Variants in FAM3C observed in about 807,000 individuals in gnomAD.
The protein encoded by FAM3C is protein FAM3C.
Under a neutral mutation model 32.5 loss-of-function variants are expected in FAM3C, and 15 were observed. That is an observed-to-expected ratio of 0.46 (90% CI 0.31 to 0.71). The LOEUF is 0.71. FAM3C is among the 30% of genes least tolerant of loss of function. FAM3C has a pLI of 0.05. For missense variants in FAM3C, 175 were observed against 274.4 expected (o/e 0.64, Z 2.56); for synonymous variants, 75 against 86.1 (o/e 0.87, Z 0.72).
At chr7:121,355,548 C>T (rs1793790391) in intron 8 of FAM3C, among the ~76,000 whole-genome samples, 1 of 152,082 alleles carries the variant, frequency 6.6e-6, no homozygotes, top group Non-Finnish European at 1.5e-5. Context: ...TAAGTAAAGC[C>T]AAGTTAACGT....
chr7:121,383,303 G>A (rs759280983), intron 1 of FAM3C, among the ~76,000 whole-genome samples: 11 of 152,230 alleles, frequency 7.2e-5, no homozygotes, highest in Non-Finnish European at 1.3e-4. Flanking sequence ...CATGGATTAT[G>A]CATCTATAAG....
At chr7:121,351,922 T>G (rs1039205771) in intron 8 of FAM3C, among the ~76,000 whole-genome samples, 1 of 152,178 alleles carries the variant, frequency 6.6e-6, no homozygotes, top group Non-Finnish European at 1.5e-5. Flanking sequence ...CTAAAAAATT[T>G]TGTGTAAGTG....
intron 8 of FAM3C, among the ~76,000 whole-genome samples, chr7:121,352,996 G>C (rs73217400): frequency 3.3e-5 from 5 of 152,318 alleles, no homozygotes; most frequent in Admixed American, 2.6e-4. Flanking sequence ...TCAGTGGTCA[G>C]CTAAATGGAC....
At chr7:121,354,973 C>T (rs1295447792) in intron 8 of FAM3C, among the ~76,000 whole-genome samples, 1 of 152,126 alleles carries the variant, frequency 6.6e-6, no homozygotes, top group Non-Finnish European at 1.5e-5. Context: ...AAGCAAACCA[C>T]ATTACTAATG....
At chr7:121,386,561 C>T (rs907929298) in intron 1 of FAM3C, among the ~76,000 whole-genome samples, 2 of 150,838 alleles carry the variant, frequency 1.3e-5, no homozygotes, top group East Asian at 1.9e-4. Context: ...TAAACATATA[C>T]ACACACACAC....
intron 5 of FAM3C, among the ~76,000 whole-genome samples, chr7:121,368,979 T>G (rs1394339746): frequency 2.0e-4 from 30 of 146,370 alleles, no homozygotes; most frequent in African/African-American, 4.3e-4. Flanking sequence ...GTTGTTTTTT[T>G]TTTTTTTTTT....
At chr7:121,366,556 G>C (rs956007693) in intron 5 of FAM3C, among the ~76,000 whole-genome samples, 1 of 152,134 alleles carries the variant, frequency 6.6e-6, no homozygotes, top group Non-Finnish European at 1.5e-5. Context: ...GACAAGAAAG[G>C]CATAGAAGGA....
chr7:121,365,927 T>G (rs1462203629), intron 5 of FAM3C, among the ~76,000 whole-genome samples: 2 of 152,142 alleles, frequency 1.3e-5, no homozygotes, highest in Non-Finnish European at 2.9e-5. Context: ...CCACAGAAGA[T>G]ATACAAATGG....
chr7:121,352,489 C>T (rs536917234), intron 8 of FAM3C, among the ~76,000 whole-genome samples: 7 of 152,270 alleles, frequency 4.6e-5, no homozygotes, highest in African/African-American at 1.4e-4. Context: ...TAAGCCATAG[C>T]CTGTGGAGCA....
intron 5 of FAM3C, among the ~76,000 whole-genome samples, chr7:121,369,327 C>A (rs1257337648): frequency 6.6e-6 from 1 of 152,032 alleles, no homozygotes; most frequent in Non-Finnish European, 1.5e-5. Context: ...CATCTGTCAC[C>A]CCTACTAAAC....
At position 121,371,045 on chromosome 7, in the gene FAM3C, A is replaced by C. The variant is rs536088457; in HGVS notation, c.272+255T>G. Among the ~76,000 whole-genome samples, 36 of 152,350 alleles carry C rather than the reference A, an allele frequency of 2.4e-4. 1 individual carries two copies. The highest frequency in any genetic ancestry group is 8.2e-4 in the African/African-American group (34 of 41,582). ...CTAGCAAATGGGACAGTGCAGATCT[A>C]GAGAATTTACTCAGAGGAAATCTCT... On this transcript the variant is annotated intron_variant, in intron 5 of 9. Coordinates refer to ENST00000359943, the MANE Select transcript of FAM3C (RefSeq NM_014888.3).
intron 2 of FAM3C, among the ~76,000 whole-genome samples, chr7:121,380,733 T>TTATATATATATATATATAGATA (rs1794332763): frequency 7.5e-6 from 1 of 133,982 alleles, no homozygotes; most frequent in Non-Finnish European, 1.6e-5. Flanking sequence ...TACAAACATT[T>TTATATATATATATATATAGATA]TATATATATA....
At chr7:121,394,836 G>A (rs529146708) in intron 1 of FAM3C, among the ~76,000 whole-genome samples, 1 of 152,300 alleles carries the variant, frequency 6.6e-6, no homozygotes, top group Non-Finnish European at 1.5e-5. Flanking sequence ...CTTGTTAAAT[G>A]GCTTTCAGTA....
intron 4 of FAM3C, 134 bp downstream of exon 4, chr7:121,371,976 G>T: frequency 3.3e-6 from 2 of 610,820 alleles, no homozygotes; most frequent in Non-Finnish European, 5.7e-6. Context: ...CAATCAAATA[G>T]CATCCTCATA....
chr7:121,357,044 A>G (rs761007485), intron 8 of FAM3C, among the ~76,000 whole-genome samples: 1 of 152,206 alleles, frequency 6.6e-6, no homozygotes, highest in Non-Finnish European at 1.5e-5. Context: ...GGGGCAAAAT[A>G]TAAGGTACCA....
At chr7:121,395,706 C>G (rs896895270) in intron 1 of FAM3C, among the ~76,000 whole-genome samples, 55 of 152,236 alleles carry the variant, frequency 3.6e-4, no homozygotes, top group African/African-American at 1.2e-3. Flanking sequence ...ATAGGCGACA[C>G]TAAAACTTTA....
intron 3 of FAM3C, among the ~76,000 whole-genome samples, chr7:121,373,381 C>A (rs1212450765): frequency 1.3e-5 from 2 of 152,140 alleles, no homozygotes; most frequent in East Asian, 1.9e-4. Flanking sequence ...AACATTAGCA[C>A]CTGGTGGCCA....
intron 3 of FAM3C, among the ~76,000 whole-genome samples, chr7:121,375,879 A>T (rs556728284): frequency 1.3e-5 from 2 of 152,300 alleles, no homozygotes; most frequent in Non-Finnish European, 2.9e-5. Flanking sequence ...CTGAACTTTC[A>T]TCCAAGGCCT....
chr7:121,396,061 G>A (rs1193905555), intron 1 of FAM3C, 101 bp downstream of exon 1: 1 of 151,112 alleles, frequency 6.6e-6, no homozygotes, highest in Non-Finnish European at 1.5e-5. Context: ...TGACCGCAGT[G>A]CGCGGAGGCT....
Sources: gnomAD v4.1 joint callset for allele counts (sites outside exome capture counted in the v4.1 genomes callset) on GRCh38, gnomAD v4.1.1 for gene constraint, MANE v1.5 for transcripts, NCBI Gene and HGNC (gene_info 2026-07-23, HGNC 2026-07-21) for gene names.